TNS4: variants seen among roughly 807,000 people sequenced by gnomAD.
TNS4 encodes the protein tensin-4.
A neutral mutation model predicts 70.4 loss-of-function variants in TNS4; 46 were observed. The observed-to-expected ratio is 0.65, with a 90% confidence interval of 0.52 to 0.84. The LOEUF is 0.84. TNS4 is among the 40% of genes least tolerant of loss of function. The pLI is 0.00. For missense variants in TNS4, 863 were observed against 907.0 expected (o/e 0.95, Z 0.62); for synonymous variants, 390 against 366.6 (o/e 1.06, Z -0.73).
At chr17:40,477,814 C>G (rs74744795) in intron 12 of TNS4, 85 bp from the exon 13 acceptor site, 10 of 1,312,958 alleles carry the variant, frequency 7.6e-6, no homozygotes, top group Non-Finnish European at 7.6e-6. Context: ...GGGCCCTCAG[C>G]CTGCATCTCA....
chr17:40,484,863 C>T (rs1355961230), intron 5 of TNS4, 58 bp downstream of exon 5: 3 of 1,585,384 alleles, frequency 1.9e-6, no homozygotes, highest in Non-Finnish European at 1.7e-6. Flanking sequence ...CAGGGCCCTG[C>T]CTGATGCAAA....
intron 2 of TNS4, among the ~76,000 whole-genome samples, chr17:40,492,774 T>C (rs2036091529): frequency 2.0e-5 from 3 of 151,980 alleles, no homozygotes; most frequent in Non-Finnish European, 2.9e-5. Flanking sequence ...TGGTGGCTCA[T>C]ACCTGTAATC....
At chr17:40,492,890 C>CA (rs560001038) in intron 2 of TNS4, among the ~76,000 whole-genome samples, 1,824 of 151,940 alleles carry the variant, frequency 0.012, 33 homozygotes, top group African/African-American at 0.041. Context: ...ACTAAAAATA[C>CA]AAAAAAATTA....
At chr17:40,480,195 C>T (rs747432629) in intron 9 of TNS4, among the ~76,000 whole-genome samples, 1 of 152,172 alleles carries the variant, frequency 6.6e-6, no homozygotes, top group Non-Finnish European at 1.5e-5. Flanking sequence ...TCATTGGCAA[C>T]GGTAGGGACA....
At chr17:40,490,184 C>T (rs2036049236) in intron 2 of TNS4, among the ~76,000 whole-genome samples, 1 of 152,226 alleles carries the variant, frequency 6.6e-6, no homozygotes, top group Admixed American at 6.5e-5. Flanking sequence ...ACAGGGGTCA[C>T]CCAACACACC....
Position 40,478,620 on chromosome 17 carries a change from T to G in TNS4, c.1939A>C (p.Thr647Pro), listed in dbSNP as rs2035881139. The change falls in exon 11 of 13, where the codon ACC becomes CCC. Residue 647 changes from threonine to proline, a missense_variant. Physicochemically the swap from Thr to Pro is conservative, Grantham distance 38 (BLOSUM62 -1). Transcript: ENST00000254051. Reference sequence around the variant, plus strand: ...TCCATACCACAGAAGCGGAGGGTGGTGAGTGGGTAATGGCGCCGGAAAAAC... The same window carrying G: ...TCCATACCACAGAAGCGGAGGGTGGGGAGTGGGTAATGGCGCCGGAAAAAC... ...KVFFRRHYPL[T>P]TLRFCGMDPE... 6.2e-7 allele frequency: 1 copy of G among 1,613,824 alleles called. No homozygotes were observed. The highest frequency in any genetic ancestry group is 1.7e-5 in the Admixed American group (1 of 59,978).
rs1243078265 is a variant in TNS4 at position 40,484,517 on chromosome 17, GCACCTT to G, written c.1462_1467del (p.Lys488_Val489del). 2 of 1,612,140 alleles carry G rather than the reference GCACCTT, an allele frequency of 1.2e-6. No individual in the cohort carries two copies. Among genetic ancestry groups the G allele is most frequent in the Admixed American group, 3.3e-5 (2 of 60,000 alleles). ...CTCTGAGCAGACGCGGGAACCTCCTGCACCTTCAGGGCCAGGCCGAAGGAGCCTCGG... is the reference window on the plus strand; with the variant it reads ...CTCTGAGCAGACGCGGGAACCTCCTGCAGGGCCAGGCCGAAGGAGCCTCGG... On this transcript the variant is annotated inframe_deletion, in exon 6 of 13. Coordinates refer to ENST00000254051, the MANE Select transcript of TNS4 (RefSeq NM_032865.6).
At chr17:40,484,132 G>A (rs1259628146) in intron 6 of TNS4, among the ~76,000 whole-genome samples, 8 of 152,186 alleles carry the variant, frequency 5.3e-5, no homozygotes, top group Admixed American at 2.0e-4. Context: ...AGCTAGCTGC[G>A]TGTGTAATCA....
chr17:40,477,447 G>A lies in TNS4; in HGVS notation c.*141C>T. The A allele has an allele frequency of 8.6e-7, 1 of 1,156,134 alleles. No homozygotes were observed. The highest frequency in any genetic ancestry group is 1.2e-6 in the Non-Finnish European group (1 of 827,162). 71.6% of individuals were successfully genotyped at this position (1,156,134 alleles called of 1,614,324 possible). On this transcript the variant is annotated 3_prime_UTR_variant, in exon 13 of 13. Coordinates refer to ENST00000254051, the MANE Select transcript of TNS4 (RefSeq NM_032865.6). ...TGCTGAAGGCCATAGCAGGTTCAAGGGTGTCAACTTGATGCCAATCCCCCT... is the reference window on the plus strand; with the variant it reads ...TGCTGAAGGCCATAGCAGGTTCAAGAGTGTCAACTTGATGCCAATCCCCCT...
At chr17:40,497,329 C>T (rs543945430) in intron 1 of TNS4, among the ~76,000 whole-genome samples, 16 of 152,210 alleles carry the variant, frequency 1.1e-4, no homozygotes, top group African/African-American at 3.6e-4. Context: ...ATGAGCTGGG[C>T]GTGATGGCTC....
At chr17:40,494,656 C>T (rs1049916942) in intron 2 of TNS4, among the ~76,000 whole-genome samples, 5 of 149,040 alleles carry the variant, frequency 3.4e-5, no homozygotes, top group African/African-American at 7.5e-5. Flanking sequence ...TGCTTGAACC[C>T]GGGAGGTGGA....
At chr17:40,485,032 C>T in intron 4 of TNS4, 25 bp from the exon 5 acceptor site, 1 of 1,607,990 alleles carries the variant, frequency 6.2e-7, no homozygotes, top group Non-Finnish European at 8.5e-7. Flanking sequence ...AGAAGGGGGA[C>T]CCTGTAGGCT....
rs964820257 is a variant in TNS4 at position 40,477,399 on chromosome 17, CG to C, written c.*188del. The C allele has an allele frequency of 2.9e-5, 18 of 624,866 alleles. No homozygotes were observed. The highest frequency in any genetic ancestry group is 4.5e-5 in the Non-Finnish European group (17 of 380,772). 38.7% of individuals were successfully genotyped at this position (624,866 alleles called of 1,614,324 possible). On this transcript the variant is annotated 3_prime_UTR_variant, in exon 13 of 13. Transcript: ENST00000254051. ...TTCTATGATTGAGGAAACTGAGGCC[CG>C]GGGGGTCTGGATGATGGTGACTGCT... is the stretch of plus-strand genomic sequence containing the variant.
chr17:40,486,007 C>A (rs1361511981), intron 4 of TNS4, among the ~76,000 whole-genome samples: 1 of 152,166 alleles, frequency 6.6e-6, no homozygotes, highest in Non-Finnish European at 1.5e-5. Flanking sequence ...CCTCTGGAGT[C>A]GCCTTGATGC....
Position 40,477,451 on chromosome 17 carries a change from T to C in TNS4, c.*137A>G. The stretch of plus-strand genomic sequence containing the variant: ...GAAGGCCATAGCAGGTTCAAGGGTG[T>C]CAACTTGATGCCAATCCCCCTAGTC... On this transcript the variant is annotated 3_prime_UTR_variant, in exon 13 of 13. Transcript: ENST00000254051. 2.4e-6 allele frequency: 3 copies of C among 1,235,328 alleles called. No individual in the cohort carries two copies. The highest frequency in any genetic ancestry group is 3.3e-6 in the Non-Finnish European group (3 of 896,908). The allele number at this position is 1,235,328 out of a possible 1,614,324, so 76.5% of individuals were successfully genotyped here.
intron 10 of TNS4, 31 bp downstream of exon 10, chr17:40,479,643 C>T (rs1413696135): frequency 6.2e-7 from 1 of 1,601,794 alleles, no homozygotes; most frequent in Non-Finnish European, 8.5e-7. Context: ...TCCGCCAGCC[C>T]CGGAGCCCCA....
Position 40,482,374 on chromosome 17 carries a change from G to C in TNS4, c.1544C>G (p.Ser515Trp), listed in dbSNP as rs142919679. The C allele has an allele frequency of 3.0e-4, 482 of 1,614,108 alleles. 7 individuals carry two copies. In the South Asian group the frequency reaches 4.8e-3, roughly 16 times the overall value. Residue 515 changes from serine to tryptophan, a missense_variant, in exon 7 of 13, where the codon TCG becomes TGG. Ser to Trp is a radical substitution (Grantham distance 177). Transcript: ENST00000254051. The part of the protein sequence containing the change: ...NDLIRHFLIE[S>W]SAKGVHLKGA... ...TTTGAGATGCACTCCTTTGGCAGAC[G>C]ACTCGATGAGGAAGTGTCGGATGAG... is the stretch of plus-strand genomic sequence containing the variant.
At position 40,484,940 on chromosome 17, in the gene TNS4, T is replaced by C. The variant is rs1260100522; in HGVS notation, c.1356A>G (p.Pro452=). 6.2e-7 allele frequency: 1 copy of C among 1,614,104 alleles called. No individual in the cohort carries two copies. The change falls in exon 5 of 13, where the codon CCA becomes CCG. Residue 452 remains proline, a synonymous_variant. Coordinates refer to ENST00000254051, the MANE Select transcript of TNS4 (RefSeq NM_032865.6). ...TTTTACCTTGCTCTCGGGTGATGTT[T>C]GGCTTAAACCAGTATTTAGATGTGT... ...VMDTSKYWFK[P]NITREQAIEL... is the part of the protein sequence containing the mutation.
In TNS4 at chr17:40,477,437, C is replaced by A. The variant is rs1180914950; in HGVS notation, c.*151G>T. The A allele has an allele frequency of 3.0e-6, 3 of 1,008,582 alleles. No homozygotes were observed. The highest frequency in any genetic ancestry group is 4.3e-6 in the Non-Finnish European group (3 of 704,826). The allele number at this position is 1,008,582 out of a possible 1,614,324, so 62.5% of individuals were successfully genotyped here. On this transcript the variant is annotated 3_prime_UTR_variant, in exon 13 of 13. Coordinates refer to ENST00000254051, the MANE Select transcript of TNS4 (RefSeq NM_032865.6). ...TGATGGTGACTGCTGAAGGCCATAG[C>A]AGGTTCAAGGGTGTCAACTTGATGC... is the stretch of plus-strand genomic sequence containing the variant.
Sources: gnomAD v4.1 joint callset for allele counts (sites outside exome capture counted in the v4.1 genomes callset) on GRCh38, gnomAD v4.1.1 for gene constraint, MANE v1.5 for transcripts, NCBI Gene and HGNC (gene_info 2026-07-23, HGNC 2026-07-21) for gene names.